The following TFDP2 variants were observed in gnomAD, a reference collection of about 807,000 sequenced individuals.
The protein encoded by TFDP2 is transcription factor Dp-2, also known as transcription factor Dp-2 (E2F dimerization partner 2).
TFDP2 carries 17 observed loss-of-function variants against 59.3 expected under a neutral mutation model. That is an observed-to-expected ratio of 0.29 (90% CI 0.20 to 0.43). The LOEUF (loss-of-function observed/expected upper bound fraction) is 0.43, where lower values mean the gene tolerates loss of function less well. Among genes scored for constraint, TFDP2 ranks in the 20% least tolerant of loss-of-function variants. The pLI is 1.00. For missense variants in TFDP2, 391 were observed against 528.8 expected (o/e 0.74, Z 2.56); for synonymous variants, 180 against 194.7 (o/e 0.92, Z 0.63).
At chr3:142,016,847 T>A (rs1216903202) in intron 3 of TFDP2, among the ~76,000 whole-genome samples, 1 of 152,178 alleles carries the variant, frequency 6.6e-6, no homozygotes, top group Non-Finnish European at 1.5e-5. Context: ...TGGCATCACA[T>A]CTCAGTTAGC....
At position 141,949,172 on chromosome 3, in the gene TFDP2, G is replaced by A. The variant is rs1049582757; in HGVS notation, c.*3341C>T. The A allele has an allele frequency of 1.3e-5, 2 of 151,970 alleles. No individual in the cohort carries two copies. The highest frequency in any genetic ancestry group is 6.6e-5 in the Admixed American group (1 of 15,240). The allele number at this position is 151,970 out of a possible 1,614,324, so 9.4% of individuals were successfully genotyped here. A position where few individuals can be genotyped will look rare whatever the true frequency, so the allele number is the denominator to read the frequency against. On this transcript the variant is annotated 3_prime_UTR_variant, in exon 13 of 13. Transcript: ENST00000489671. ...ACTCTGGCATTATTTTTCAAATATG[G>A]CAGAGTACTGTTAACAACTGTAAAA...
rs961541380 is a variant in TFDP2, at chr3:142,005,663, G to C, written c.83-119C>G. The C allele has an allele frequency of 8.0e-6, 5 of 624,946 alleles. No homozygotes were observed. In the African/African-American group the frequency reaches 9.4e-5, roughly 12 times the overall value. 38.7% of individuals were successfully genotyped at this position (624,946 alleles called of 1,614,324 possible). On this transcript the variant is annotated intron_variant, in intron 3 of 12. Transcript: ENST00000489671. Reference sequence around the variant, plus strand: ...AGGTAATTTATAATTATCTTAGGAAGCATATTATGAACAAAATACACCTTA... The same window carrying C: ...AGGTAATTTATAATTATCTTAGGAACCATATTATGAACAAAATACACCTTA...
At chr3:142,041,129 C>T (rs1487330829) in intron 3 of TFDP2, among the ~76,000 whole-genome samples, 1 of 152,114 alleles carries the variant, frequency 6.6e-6, no homozygotes, top group East Asian at 1.9e-4. Flanking sequence ...TCTGGAAACC[C>T]CTGAACTTGC....
chr3:141,978,786 CAA>C, intron 6 of TFDP2, 104 bp from the exon 7 acceptor site: 1 of 876,284 alleles, frequency 1.1e-6, no homozygotes, highest in Non-Finnish European at 1.6e-6. Flanking sequence ...AGTTTTACTT[CAA>C]GTGTCAAAAA....
chr3:141,969,602 C>T (rs1939400408), intron 9 of TFDP2, among the ~76,000 whole-genome samples: 1 of 151,974 alleles, frequency 6.6e-6, no homozygotes, highest in Non-Finnish European at 1.5e-5. Context: ...AAGAGTGAGA[C>T]TCAGTCTCAA....
chr3:141,963,694 CA>C, intron 10 of TFDP2, 117 bp downstream of exon 10: 1 of 1,242,252 alleles, frequency 8.0e-7, no homozygotes, highest in Non-Finnish European at 1.1e-6. Flanking sequence ...TCATGTGCCC[CA>C]AGGAAGCCAG....
chr3:142,006,293 G>A (rs560479047), intron 3 of TFDP2, among the ~76,000 whole-genome samples: 1 of 152,196 alleles, frequency 6.6e-6, no homozygotes, highest in East Asian at 1.9e-4. Context: ...AGTTAACAGT[G>A]TAACAAAATA....
At chr3:142,110,483 G>A (rs144393015) in intron 1 of TFDP2, among the ~76,000 whole-genome samples, 6 of 148,274 alleles carry the variant, frequency 4.0e-5, no homozygotes, top group South Asian at 2.2e-4. Context: ...CAGCCTGGGC[G>A]ACAGAACGAG....
chr3:142,046,830 G>A (rs906392113), intron 3 of TFDP2, among the ~76,000 whole-genome samples: 5 of 151,970 alleles, frequency 3.3e-5, no homozygotes, highest in South Asian at 2.1e-4. Context: ...AAATTTGACC[G>A]AAGCATAAGA....
At chr3:141,957,183 G>A (rs905104433) in intron 11 of TFDP2, among the ~76,000 whole-genome samples, 32 of 151,516 alleles carry the variant, frequency 2.1e-4, no homozygotes, top group African/African-American at 7.8e-4. Context: ...CGGGCATAGC[G>A]GCAAGGTGCC....
chr3:142,075,059 T>C (rs1339684642), intron 3 of TFDP2, among the ~76,000 whole-genome samples: 1 of 152,010 alleles, frequency 6.6e-6, no homozygotes, highest in Non-Finnish European at 1.5e-5. Flanking sequence ...ATTAAAAAAA[T>C]CAACTCATAA....
At chr3:142,097,178 C>T (rs188134611) in intron 2 of TFDP2, among the ~76,000 whole-genome samples, 131 of 152,210 alleles carry the variant, frequency 8.6e-4, no homozygotes, top group African/African-American at 3.1e-3. Flanking sequence ...TCATATACCA[C>T]AAGTATATAT....
intron 11 of TFDP2, among the ~76,000 whole-genome samples, chr3:141,956,942 C>CA (rs1046901336): frequency 9.4e-5 from 14 of 149,550 alleles, no homozygotes; most frequent in East Asian, 2.0e-4. Flanking sequence ...CCTGCCCCAC[C>CA]CCCCCCACAA....
At chr3:142,083,169 G>T (rs1318823863) in intron 3 of TFDP2, among the ~76,000 whole-genome samples, 2 of 152,142 alleles carry the variant, frequency 1.3e-5, no homozygotes, top group African/African-American at 4.8e-5. Context: ...CAGTAAAGTT[G>T]CAGGACACAA....
intron 7 of TFDP2, among the ~76,000 whole-genome samples, chr3:141,975,832 G>A (rs1378868443): frequency 6.6e-6 from 1 of 152,004 alleles, no homozygotes; most frequent in African/African-American, 2.4e-5. Flanking sequence ...GTTCAAAGCA[G>A]ATTAAATAAT....
chr3:141,960,878 A>G (rs1937265744), intron 10 of TFDP2, among the ~76,000 whole-genome samples: 1 of 152,182 alleles, frequency 6.6e-6, no homozygotes, highest in African/African-American at 2.4e-5. Context: ...AGACTGCATC[A>G]CCAAAGTAAC....
At chr3:141,968,383 C>CATATATAG (rs1559936890) in intron 9 of TFDP2, among the ~76,000 whole-genome samples, 1 of 105,034 alleles carries the variant, frequency 9.5e-6, no homozygotes, top group Non-Finnish European at 1.9e-5. Context: ...ACATATATCT[C>CATATATAG]ATATATATAA....
At chr3:142,135,719 G>A (rs915309791) in intron 1 of TFDP2, among the ~76,000 whole-genome samples, 3 of 152,004 alleles carry the variant, frequency 2.0e-5, no homozygotes, top group African/African-American at 4.8e-5. Context: ...CCATGTCCCT[G>A]CAAAGGACAT....
chr3:142,111,769 A>AT (rs1481024171), intron 1 of TFDP2, among the ~76,000 whole-genome samples: 1 of 151,950 alleles, frequency 6.6e-6, no homozygotes, highest in Admixed American at 6.6e-5. Flanking sequence ...ATTTTTCAAA[A>AT]TTTTTATCAG....
Sources: allele counts gnomAD v4.1 joint callset (sites outside exome capture counted in the v4.1 genomes callset), GRCh38; gene constraint gnomAD v4.1.1; transcripts MANE v1.5; gene names NCBI Gene and HGNC (gene_info 2026-07-23, HGNC 2026-07-21).